The following YBX1 variants were observed in gnomAD, a reference collection of about 807,000 sequenced individuals.
The protein encoded by YBX1 is Y-box binding protein 1, also known as Y-box-binding protein 1.
A neutral mutation model predicts 41.4 loss-of-function variants in YBX1; 3 were observed. That is an observed-to-expected ratio of 0.07 (90% CI 0.03 to 0.19). YBX1 has a LOEUF of 0.19. Among genes scored for constraint, YBX1 ranks in the 10% least tolerant of loss-of-function variants. The probability of loss-of-function intolerance (pLI) is 1.00; values close to 1 mark genes in which losing one functional copy is unlikely to be tolerated. For missense variants in YBX1, 274 were observed against 462.8 expected, an observed-to-expected ratio of 0.59 and a Z score of 3.74; for synonymous variants, 133 against 165.8, an observed-to-expected ratio of 0.80 and a Z score of 1.52.
At chr1:42,700,207 A>G (rs1253066361) in intron 6 of YBX1, among the ~76,000 whole-genome samples, 1 of 152,208 alleles carries the variant, frequency 6.6e-6, no homozygotes, top group Non-Finnish European at 1.5e-5. Flanking sequence ...ACTCATGGAT[A>G]CTAAAGGCCT....
At position 42,696,511 on chromosome 1, in the gene YBX1, G is replaced by GCC. The variant is rs34273075; in HGVS notation, c.355-121_355-120dup. The GCC allele has an allele frequency of 0.031, 14,302 of 467,244 alleles. 614 individuals are homozygous for GCC. The highest frequency in any genetic ancestry group is 0.059 in the East Asian group (1,176 of 20,020). The allele number at this position is 467,244 out of a possible 1,614,324, so 28.9% of individuals were successfully genotyped here. On this transcript the variant is annotated intron_variant, in intron 4 of 7. Coordinates refer to ENST00000321358, the MANE Select transcript of YBX1 (RefSeq NM_004559.5). The surrounding 1 kb of genome is among the most constrained non-coding windows in gnomAD (Gnocchi z 5.7). ...TGTGCACCCCTGGTCACGCAGTTGCGCCCCCCCCCCCTTTTTTTTCCTTAA... is the reference window on the plus strand; with the variant it reads ...TGTGCACCCCTGGTCACGCAGTTGCGCCCCCCCCCCCCCTTTTTTTTCCTTAA...
chr1:42,692,800 G>A (rs1345646063), intron 2 of YBX1, among the ~76,000 whole-genome samples: 1 of 152,186 alleles, frequency 6.6e-6, no homozygotes, highest in African/African-American at 2.4e-5. Context: ...TAAAAAGTGA[G>A]ATTATTCTCT....
At chr1:42,689,856 A>AGGCTATAC (rs1650286675) in intron 2 of YBX1, among the ~76,000 whole-genome samples, 5 of 152,216 alleles carry the variant, frequency 3.3e-5, no homozygotes, top group Admixed American at 3.3e-4. Context: ...GCCATAGTAT[A>AGGCTATAC]GGAGTGGTAG....
At chr1:42,693,800 C>G (rs1447228803) in intron 3 of YBX1, among the ~76,000 whole-genome samples, 1 of 152,218 alleles carries the variant, frequency 6.6e-6, no homozygotes, top group African/African-American at 2.4e-5. Flanking sequence ...TACCTAATTT[C>G]AGATGAACAG....
intron 2 of YBX1, among the ~76,000 whole-genome samples, chr1:42,686,033 CATA>C (rs1650188309): frequency 6.6e-6 from 1 of 152,144 alleles, no homozygotes; most frequent in African/African-American, 2.4e-5. Context: ...GTCTACAAAA[CATA>C]ATCGGAGAAT....
At position 42,696,366 on chromosome 1, in the gene YBX1, C is replaced by G; in HGVS notation, c.354+78C>G. The G allele has an allele frequency of 6.8e-7, 1 of 1,460,168 alleles. No individual in the cohort carries two copies. Among genetic ancestry groups the G allele is most frequent in the Non-Finnish European group, 9.5e-7 (1 of 1,055,950 alleles). 90.5% of individuals were successfully genotyped at this position (1,460,168 alleles called of 1,614,324 possible). A position where few individuals can be genotyped will look rare whatever the true frequency, so the allele number is the denominator to read the frequency against. On this transcript the variant is annotated intron_variant, in intron 4 of 7. Coordinates refer to ENST00000321358, the MANE Select transcript of YBX1 (RefSeq NM_004559.5). This position sits in a 1 kb window ranked among gnomAD's most constrained non-coding sequence, Gnocchi z 5.7. ...GGTCTCATCCATTAGGATGGTGGCT[C>G]TAATGTGGATGGATGTGTTCAGGTG...
chr1:42,691,142 C>CT (rs1332606544), intron 2 of YBX1, among the ~76,000 whole-genome samples: 2 of 152,208 alleles, frequency 1.3e-5, no homozygotes, highest in African/African-American at 4.8e-5. Context: ...ACAAATCACT[C>CT]TTTTTAATGG....
intron 2 of YBX1, among the ~76,000 whole-genome samples, chr1:42,683,872 T>C (rs1405107751): frequency 6.6e-6 from 1 of 152,224 alleles, no homozygotes; most frequent in African/African-American, 2.4e-5. Context: ...TTATACATTG[T>C]TAACGTTTTA....
At chr1:42,700,090 A>G (rs1650557494) in intron 6 of YBX1, among the ~76,000 whole-genome samples, 1 of 152,236 alleles carries the variant, frequency 6.6e-6, no homozygotes, top group Non-Finnish European at 1.5e-5. Context: ...GTAGGGTTGC[A>G]GAGAAAAGTC....
chr1:42,688,974 G>A (rs1212979714), intron 2 of YBX1, among the ~76,000 whole-genome samples: 2 of 152,160 alleles, frequency 1.3e-5, no homozygotes, highest in African/African-American at 4.8e-5. Context: ...TTCCAGTCAC[G>A]AGTAAGCCAT....
At chr1:42,686,875 T>C (rs1650209040) in intron 2 of YBX1, among the ~76,000 whole-genome samples, 1 of 152,190 alleles carries the variant, frequency 6.6e-6, no homozygotes, top group South Asian at 2.1e-4. Flanking sequence ...TTGGAACTGT[T>C]TTTTGACTCT....
At chr1:42,691,858 A>T (rs566677100) in intron 2 of YBX1, among the ~76,000 whole-genome samples, 3 of 151,012 alleles carry the variant, frequency 2.0e-5, no homozygotes, top group Admixed American at 2.0e-4. Flanking sequence ...TTGGAAAAAA[A>T]TTTTATTTTT....
intron 2 of YBX1, among the ~76,000 whole-genome samples, chr1:42,688,363 CTGTTT>C (rs1188191942): frequency 1.3e-5 from 2 of 152,152 alleles, no homozygotes; most frequent in African/African-American, 2.4e-5. Flanking sequence ...AGATACTAGT[CTGTTT>C]TATTATTTAC....
intron 3 of YBX1, among the ~76,000 whole-genome samples, chr1:42,695,044 CTA>C (rs751828157): frequency 8.5e-5 from 13 of 152,162 alleles, no homozygotes; most frequent in Non-Finnish European, 1.5e-4. Context: ...GGTATGAAAA[CTA>C]TGTGACAGTT....
intron 7 of YBX1, 24 bp downstream of exon 7, chr1:42,701,070 C>A: frequency 3.2e-6 from 5 of 1,572,036 alleles, no homozygotes; most frequent in South Asian, 1.1e-5. Context: ...GATGGCCATC[C>A]ATTTATGGCA....
rs1650651162 is a variant in YBX1, at chr1:42,703,304, G to T, written c.*1355G>T. The stretch of plus-strand genomic sequence containing the variant: ...AATAGTCATGTAGTTGATAGTGACT[G>T]CTGCCCCGAAACACTCCAGATCATC... On this transcript the variant is annotated 3_prime_UTR_variant, in exon 8 of 8. Coordinates refer to ENST00000321358, the MANE Select transcript of YBX1 (RefSeq NM_004559.5). 6.6e-6 allele frequency among the ~76,000 whole-genome samples: 1 copy of T among 152,064 alleles called. No individual in the cohort carries two copies. Among genetic ancestry groups the T allele is most frequent in the Non-Finnish European group, 1.5e-5 (1 of 68,010 alleles).
chr1:42,696,842 C>T lies in YBX1; in HGVS notation c.555C>T (p.Arg185=), dbSNP rs746327452. The change falls in exon 5 of 8, where the codon CGC becomes CGT. Residue 185 remains arginine (R), a synonymous_variant. Coordinates refer to ENST00000321358, the MANE Select transcript of YBX1 (RefSeq NM_004559.5). The surrounding 1 kb of genome is among the most constrained non-coding windows in gnomAD (Gnocchi z 5.7). ...CTCCCGAAGGCCAGGCCCAACAACG[C>T]CGGCCCTACCGCAGGCGAAGGTTCC... is the stretch of plus-strand genomic sequence containing the variant. ...ESAPEGQAQQ[R]RPYRRRRFPP... 6.2e-7 allele frequency: 1 copy of T among 1,611,876 alleles called. No individual in the cohort carries two copies. Among genetic ancestry groups the T allele is most frequent in the African/African-American group, 1.3e-5 (1 of 74,902 alleles).
chr1:42,699,387 A>G (rs1650539937), intron 6 of YBX1, among the ~76,000 whole-genome samples: 2 of 152,218 alleles, frequency 1.3e-5, no homozygotes, highest in African/African-American at 2.4e-5. Flanking sequence ...GATAACGATC[A>G]TAAATTAGAA....
intron 3 of YBX1, 66 bp downstream of exon 3, chr1:42,693,589 T>TTC (rs1650392552): frequency 6.4e-7 from 1 of 1,556,868 alleles, no homozygotes; most frequent in Admixed American, 1.7e-5. Context: ...GTTAGATATG[T>TTC]TCTCAGCTTT....
Sources: gnomAD v4.1 joint callset for allele counts (sites outside exome capture counted in the v4.1 genomes callset) on GRCh38, gnomAD v4.1.1 for gene constraint, Gnocchi (gnomAD v3.1) non-coding constraint, MANE v1.5 for transcripts, NCBI Gene and HGNC (gene_info 2026-07-23, HGNC 2026-07-21) for gene names.